TCP11L1: variants seen among roughly 807,000 people sequenced by gnomAD.
The protein encoded by TCP11L1 is t-complex 11 like 1.
TCP11L1 carries 28 observed loss-of-function variants against 48.9 expected under a neutral mutation model. That is an observed-to-expected ratio of 0.57 (90% confidence interval 0.42 to 0.78). TCP11L1 has a LOEUF of 0.78. TCP11L1 is among the 30% of genes least tolerant of loss of function. The pLI is 0.00. For missense variants in TCP11L1, 505 were observed against 613.4 expected (o/e 0.82, Z 1.87); for synonymous variants, 204 against 231.9 (o/e 0.88, Z 1.09).
In TCP11L1 at chr11:33,068,693, C is replaced by G; in HGVS notation, c.1161C>G (p.Phe387Leu). The G allele has an allele frequency of 6.2e-7, 1 of 1,613,932 alleles. No homozygotes were observed. The highest frequency in any genetic ancestry group is 8.5e-7 in the Non-Finnish European group (1 of 1,179,848). The change falls in exon 9 of 10, where the codon TTC becomes TTG. Residue 387 changes from phenylalanine (F) to leucine (L), a missense_variant. Phe to Leu is a conservative substitution (Grantham distance 22). Transcript: ENST00000334274. ...ILLTDMHLPS[F>L]HLKDVLTTIG... is the part of the protein sequence containing the mutation. ...CTCCCCTCCTCTGCCCCAGCTCCTT[C>G]CATCTGAAGGACGTCCTCACTACCA...
At chr11:33,059,713 G>T (rs570702654) in intron 6 of TCP11L1, among the ~76,000 whole-genome samples, 2 of 152,254 alleles carry the variant, frequency 1.3e-5, no homozygotes, top group African/African-American at 4.8e-5. Flanking sequence ...CTCTAACTTT[G>T]CTGACGAGGA....
intron 7 of TCP11L1, among the ~76,000 whole-genome samples, chr11:33,065,269 A>G (rs1854581769): frequency 6.8e-6 from 1 of 147,962 alleles, no homozygotes; most frequent in African/African-American, 2.5e-5. Flanking sequence ...AGGTCATGCT[A>G]TTTTTTTTTT....
chr11:33,045,625 A>G (rs545937988), intron 2 of TCP11L1, among the ~76,000 whole-genome samples: 6 of 152,216 alleles, frequency 3.9e-5, no homozygotes, highest in Non-Finnish European at 7.3e-5. Flanking sequence ...GCTAAAGAAG[A>G]ACTTTTGGTT....
intron 7 of TCP11L1, among the ~76,000 whole-genome samples, chr11:33,064,442 G>T (rs1854553374): frequency 6.6e-6 from 1 of 152,142 alleles, no homozygotes; most frequent in Non-Finnish European, 1.5e-5. Flanking sequence ...AAGGTCCTTA[G>T]AGTCCATTCG....
chr11:33,049,194 G>T (rs1854083646), intron 2 of TCP11L1, among the ~76,000 whole-genome samples: 1 of 149,728 alleles, frequency 6.7e-6, no homozygotes, highest in African/African-American at 2.5e-5. Context: ...AGGTTGCAGT[G>T]AGCCGAGATC....
intron 2 of TCP11L1, among the ~76,000 whole-genome samples, chr11:33,052,420 A>G (rs1854186735): frequency 6.6e-6 from 1 of 152,012 alleles, no homozygotes; most frequent in Non-Finnish European, 1.5e-5. Context: ...CTTGTGACCA[A>G]ATAAAGTTTT....
At chr11:33,055,619 A>G (rs1311978129) in intron 3 of TCP11L1, among the ~76,000 whole-genome samples, 6 of 152,226 alleles carry the variant, frequency 3.9e-5, no homozygotes, top group East Asian at 1.9e-4. Context: ...CAGGCAGAGT[A>G]TATTGTTGCC....
At position 33,058,076 on chromosome 11, in the gene TCP11L1, C is replaced by T; in HGVS notation, c.575C>T (p.Ala192Val). Residue 192 changes from alanine (A) to valine (V), a missense_variant, in exon 5 of 10, where the codon GCA (alanine) becomes GTA (valine). Physicochemically the swap from Ala to Val is moderately conservative, Grantham distance 64 (BLOSUM62 0). Coordinates refer to ENST00000334274, the MANE Select transcript of TCP11L1 (RefSeq NM_018393.4). Reference sequence around the variant, plus strand: ...ATTGGCATGATGGGGACACTGTGTGCACCTGCTCGAGATGAGGAAGTTAAG... The same window carrying T: ...ATTGGCATGATGGGGACACTGTGTGTACCTGCTCGAGATGAGGAAGTTAAG... ...FIIGMMGTLC[A>V]PARDEEVKKL... 6.2e-7 allele frequency: 1 copy of T among 1,614,146 alleles called. No individual in the cohort carries two copies. Among genetic ancestry groups the T allele is most frequent in the Non-Finnish European group, 8.5e-7 (1 of 1,180,036 alleles).
chr11:33,054,310 C>G (rs533022999), intron 2 of TCP11L1, among the ~76,000 whole-genome samples: 6 of 151,078 alleles, frequency 4.0e-5, no homozygotes, highest in African/African-American at 1.5e-4. Context: ...TCATCTGTAA[C>G]TTAAGTTTTC....
chr11:33,063,332 G>A (rs753277493), intron 7 of TCP11L1, among the ~76,000 whole-genome samples: 2 of 152,098 alleles, frequency 1.3e-5, no homozygotes, highest in Non-Finnish European at 2.9e-5. Flanking sequence ...TCTTGGTTAC[G>A]TACCTAGGAT....
chr11:33,068,768 G>A lies in TCP11L1; in HGVS notation c.1236G>A (p.Gly412=). Residue 412 remains glycine, a synonymous_variant, in exon 9 of 10, where the codon GGG becomes GGA. Transcript: ENST00000334274. ...TGAGCAGCTGCCTCTCCCTGTGTGG[G>A]TCCTCTCCCTTCACCACGGACAAGG... ...LEVSSCLSLC[G]SSPFTTDKET... is the part of the protein sequence containing the mutation. The A allele has an allele frequency of 6.2e-7, 1 of 1,614,124 alleles. No homozygotes were observed. Among genetic ancestry groups the A allele is most frequent in the South Asian group, 1.1e-5 (1 of 91,072 alleles).
rs138299801 is a variant in TCP11L1, at chr11:33,068,863, C to T, written c.1327+4C>T. On this transcript the variant is annotated splice_donor_region_variant and intron_variant, in intron 9 of 9. Coordinates refer to ENST00000334274, the MANE Select transcript of TCP11L1 (RefSeq NM_018393.4). ...GACCCCATTCGCAGGATCATGGGTA[C>T]GTTTGGGGAAGGCAGGCAGCAGGGA... The T allele has an allele frequency of 7.9e-5, 127 of 1,608,076 alleles. No individual in the cohort carries two copies. Among genetic ancestry groups the T allele is most frequent in the Admixed American group, 3.7e-4 (22 of 59,854 alleles).
chr11:33,068,812 AG>A lies in TCP11L1; in HGVS notation c.1281del (p.Ile428SerfsTer20). ...TTDKETVLKG[Q>X]IQAVASPDDP... ...GACAAGGAGACCGTGCTCAAGGGCC[AG>A]ATCCAGGCCGTGGCCAGTCCCGATG... On this transcript the variant is annotated frameshift_variant, in exon 9 of 10. Coordinates refer to ENST00000334274, the MANE Select transcript of TCP11L1 (RefSeq NM_018393.4). LOFTEE classifies it high-confidence loss of function. The A allele has an allele frequency of 6.2e-7, 1 of 1,614,152 alleles. No individual in the cohort carries two copies. Among genetic ancestry groups the A allele is most frequent in the East Asian group, 2.2e-5 (1 of 44,872 alleles).
chr11:33,042,106 C>A (rs1238970051), intron 1 of TCP11L1, among the ~76,000 whole-genome samples: 2 of 152,110 alleles, frequency 1.3e-5, no homozygotes, highest in Non-Finnish European at 2.9e-5. Context: ...AAAACTTTTA[C>A]TGTAATTAAA....
chr11:33,045,792 A>C (rs1387078791), intron 2 of TCP11L1, among the ~76,000 whole-genome samples: 2 of 152,212 alleles, frequency 1.3e-5, no homozygotes, highest in African/African-American at 4.8e-5. Context: ...GAGGCTGCGA[A>C]GGCCCCGAGC....
chr11:33,070,604 G>A (rs572122404), intron 9 of TCP11L1, among the ~76,000 whole-genome samples: 4 of 149,888 alleles, frequency 2.7e-5, no homozygotes, highest in Admixed American at 1.3e-4. Context: ...ATAATCGCTT[G>A]AACCTGAAAG....
Position 33,072,472 on chromosome 11 carries a change from A to G in TCP11L1, c.1328-2A>G. On this transcript the variant is annotated splice_acceptor_variant, in intron 9 of 9. Transcript: ENST00000334274. LOFTEE classifies it high-confidence loss of function. Reference sequence around the variant, plus strand: ...AACTGACCACTTTCTTTTTTGTCACAGAATCTCGAATCCTGACCTTCTTAG... The same window carrying G: ...AACTGACCACTTTCTTTTTTGTCACGGAATCTCGAATCCTGACCTTCTTAG... 1 of 1,614,122 alleles carries G rather than the reference A, an allele frequency of 6.2e-7. No homozygotes were observed. Among genetic ancestry groups the G allele is most frequent in the Non-Finnish European group, 8.5e-7 (1 of 1,179,996 alleles).
At chr11:33,068,182 C>T (rs1854674473) in intron 8 of TCP11L1, among the ~76,000 whole-genome samples, 1 of 152,174 alleles carries the variant, frequency 6.6e-6, no homozygotes, top group Non-Finnish European at 1.5e-5. Context: ...CTTGGCCTCC[C>T]AAAGTTCTGG....
chr11:33,056,665 A>G (rs1388308594), intron 3 of TCP11L1: 3 of 252,206 alleles, frequency 1.2e-5, no homozygotes, highest in South Asian at 3.9e-5. Flanking sequence ...GCTGATCTCG[A>G]ACTCCTCACC....
Sources: allele counts gnomAD v4.1 joint callset (sites outside exome capture counted in the v4.1 genomes callset), GRCh38; gene constraint gnomAD v4.1.1; transcripts MANE v1.5; gene names NCBI Gene and HGNC (gene_info 2026-07-23, HGNC 2026-07-21).